The following MAP3K2 variants were observed in gnomAD, a reference collection of about 807,000 sequenced individuals.
The protein encoded by MAP3K2 is mitogen-activated protein kinase kinase kinase 2.
In MAP3K2, 24 loss-of-function variants were observed where a neutral mutation model predicts 80.3. That is an observed-to-expected ratio of 0.30 (90% CI 0.22 to 0.42). The LOEUF is 0.42. MAP3K2 is among the 10% of genes least tolerant of loss of function. The probability of loss-of-function intolerance (pLI) is 1.00; values close to 1 mark genes in which losing one functional copy is unlikely to be tolerated. For synonymous variants in MAP3K2, 244 were observed against 253.7 expected (o/e 0.96, Z 0.36); for missense variants, 608 against 750.1 (o/e 0.81, Z 2.21).
intron 1 of MAP3K2, among the ~76,000 whole-genome samples, chr2:127,366,975 A>C (rs1383264054): frequency 6.9e-6 from 1 of 144,704 alleles, no homozygotes; most frequent in African/African-American, 2.5e-5. Context: ...GATTCAAGCC[A>C]ATCTCCCGCC....
intron 14 of MAP3K2, among the ~76,000 whole-genome samples, chr2:127,315,387 G>A (rs182904337): frequency 6.6e-6 from 1 of 152,286 alleles, no homozygotes; most frequent in East Asian, 1.9e-4. Flanking sequence ...ACATCCAAAT[G>A]TTTCTGCTTT....
intron 1 of MAP3K2, among the ~76,000 whole-genome samples, chr2:127,375,338 A>G (rs1358124273): frequency 6.6e-6 from 1 of 152,120 alleles, no homozygotes; most frequent in Non-Finnish European, 1.5e-5. Flanking sequence ...GACTGAGTGA[A>G]TCCTGCTCTG....
chr2:127,317,144 T>C (rs754909902), intron 14 of MAP3K2, among the ~76,000 whole-genome samples: 2 of 150,876 alleles, frequency 1.3e-5, no homozygotes, highest in Non-Finnish European at 2.9e-5. Context: ...CATGTACAAA[T>C]TGACTGCTCT....
chr2:127,317,880 C>G (rs1685937669), intron 13 of MAP3K2, 120 bp from the exon 14 acceptor site: 1 of 879,304 alleles, frequency 1.1e-6, no homozygotes, highest in Non-Finnish European at 1.7e-6. Context: ...TAATAAACAT[C>G]TGAAAGTCTC....
At chr2:127,383,786 A>G (rs989005215) in intron 1 of MAP3K2, among the ~76,000 whole-genome samples, 3 of 152,238 alleles carry the variant, frequency 2.0e-5, no homozygotes, top group African/African-American at 7.2e-5. Context: ...TTGAGATGCT[A>G]ACTCTAAAAA....
chr2:127,357,496 G>A (rs1686816441), intron 1 of MAP3K2, among the ~76,000 whole-genome samples: 1 of 152,012 alleles, frequency 6.6e-6, no homozygotes, highest in African/African-American at 2.4e-5. Context: ...GAATACAGAA[G>A]AATAGAACAG....
chr2:127,333,565 C>T (rs188870242), intron 5 of MAP3K2, among the ~76,000 whole-genome samples: 1 of 152,224 alleles, frequency 6.6e-6, no homozygotes, highest in Non-Finnish European at 1.5e-5. Context: ...CAAGATCATG[C>T]ATTTGGTTTG....
intron 15 of MAP3K2, among the ~76,000 whole-genome samples, chr2:127,309,938 C>T (rs574848269): frequency 3.2e-4 from 49 of 152,230 alleles, no homozygotes; most frequent in African/African-American, 1.1e-3. Context: ...GGAAGAAATT[C>T]GCCACGCACA....
intron 1 of MAP3K2, among the ~76,000 whole-genome samples, chr2:127,373,659 C>T (rs538276791): frequency 4.3e-4 from 66 of 152,262 alleles, no homozygotes; most frequent in African/African-American, 1.6e-3. Flanking sequence ...GTTTGTTTTT[C>T]CCACTAAACA....
intron 1 of MAP3K2, among the ~76,000 whole-genome samples, chr2:127,348,905 C>G (rs1686643436): frequency 6.6e-6 from 1 of 152,096 alleles, no homozygotes; most frequent in Non-Finnish European, 1.5e-5. Context: ...ATCAGATATG[C>G]TGGTTTTTCA....
At chr2:127,343,368 C>A in intron 1 of MAP3K2, 174 bp from the exon 2 acceptor site, 2 of 457,972 alleles carry the variant, frequency 4.4e-6, no homozygotes, top group East Asian at 6.5e-5. Context: ...TAGGCACCCC[C>A]TTGCCTAACA....
At chr2:127,381,267 T>G (rs951615614) in intron 1 of MAP3K2, among the ~76,000 whole-genome samples, 1 of 152,220 alleles carries the variant, frequency 6.6e-6, no homozygotes, top group Non-Finnish European at 1.5e-5. Flanking sequence ...TCTCAAAATG[T>G]ATTTTAGTAG....
At chr2:127,327,246 T>C (rs1573985805) in intron 7 of MAP3K2, among the ~76,000 whole-genome samples, 1 of 152,338 alleles carries the variant, frequency 6.6e-6, no homozygotes, top group South Asian at 2.1e-4. Flanking sequence ...TTAAACTATG[T>C]GAGCATTTAA....
intron 1 of MAP3K2, among the ~76,000 whole-genome samples, chr2:127,386,108 CT>C (rs1321071901): frequency 6.6e-6 from 1 of 152,156 alleles, no homozygotes; most frequent in African/African-American, 2.4e-5. Flanking sequence ...TTTTCTTCAA[CT>C]TGATAATATA....
intron 15 of MAP3K2, among the ~76,000 whole-genome samples, chr2:127,314,205 C>CTT (rs1380610163): frequency 1.3e-5 from 2 of 152,152 alleles, no homozygotes; most frequent in Non-Finnish European, 2.9e-5. Context: ...TGGGGTTCAT[C>CTT]AAAGCTCAGT....
intron 12 of MAP3K2, among the ~76,000 whole-genome samples, chr2:127,320,977 G>A (rs1686009567): frequency 6.6e-6 from 1 of 152,074 alleles, no homozygotes; most frequent in Non-Finnish European, 1.5e-5. Flanking sequence ...AAAATTATCT[G>A]GGCATGGTGG....
intron 1 of MAP3K2, among the ~76,000 whole-genome samples, chr2:127,365,825 G>A (rs1447437551): frequency 1.3e-5 from 2 of 152,192 alleles, no homozygotes; most frequent in African/African-American, 4.8e-5. Context: ...TACAGACTCT[G>A]ACTTCTGGAG....
intron 1 of MAP3K2, among the ~76,000 whole-genome samples, chr2:127,384,281 T>C (rs72956480): frequency 0.1 from 15,579 of 151,372 alleles, 1,201 homozygotes; most frequent in African/African-American, 0.22. Context: ...TACAGTATAT[T>C]GTAAACATAA....
At chr2:127,382,997 C>G (rs1416674712) in intron 1 of MAP3K2, among the ~76,000 whole-genome samples, 1 of 152,218 alleles carries the variant, frequency 6.6e-6, no homozygotes, top group Non-Finnish European at 1.5e-5. Context: ...GGTGCTGGCA[C>G]CTGCTTGGCC....
Sources: allele counts gnomAD v4.1 joint callset (sites outside exome capture counted in the v4.1 genomes callset), GRCh38; gene constraint gnomAD v4.1.1; transcripts MANE v1.5; gene names NCBI Gene and HGNC (gene_info 2026-07-23, HGNC 2026-07-21).